Variants in GLCE observed in about 807,000 individuals in gnomAD.
The protein encoded by GLCE is D-glucuronyl C5-epimerase.
A neutral mutation model predicts 47.9 loss-of-function variants in GLCE; 19 were observed. The observed-to-expected ratio is 0.40, with a 90% confidence interval of 0.28 to 0.58. The LOEUF is 0.58. GLCE is among the 20% of genes least tolerant of loss of function. The pLI, the probability that GLCE is intolerant of heterozygous loss-of-function variation, is 0.48. For synonymous variants in GLCE, 245 were observed against 263.4 expected (o/e 0.93, Z 0.68); for missense variants, 556 against 743.3 (o/e 0.75, Z 2.93).
chr15:69,239,757 G>A (rs2052641217), intron 2 of GLCE, among the ~76,000 whole-genome samples: 1 of 152,026 alleles, frequency 6.6e-6, no homozygotes, highest in Non-Finnish European at 1.5e-5. Context: ...CTTATGTTTG[G>A]GGACTAGGGA....
chr15:69,263,683 A>T (rs552537015), intron 4 of GLCE, among the ~76,000 whole-genome samples: 27 of 151,824 alleles, frequency 1.8e-4, no homozygotes, highest in Non-Finnish European at 3.7e-4. Context: ...ACTTTCTCCT[A>T]TTTCTGTAGC....
intron 4 of GLCE, among the ~76,000 whole-genome samples, chr15:69,261,640 T>C (rs960138945): frequency 6.6e-6 from 1 of 152,222 alleles, no homozygotes; most frequent in Non-Finnish European, 1.5e-5. Context: ...CTCCATTTAA[T>C]ATTTCAGTAC....
chr15:69,213,112 A>G (rs1225950945), intron 2 of GLCE, among the ~76,000 whole-genome samples: 1 of 152,096 alleles, frequency 6.6e-6, no homozygotes, highest in Admixed American at 6.6e-5. Flanking sequence ...TTTTAGATGT[A>G]CAAATAAGTT....
At chr15:69,197,141 C>T (rs942357450) in intron 1 of GLCE, 6 of 384,262 alleles carry the variant, frequency 1.6e-5, no homozygotes, top group African/African-American at 1.0e-4. Context: ...GGGCCCAGTC[C>T]TTCGGCACAA....
intron 1 of GLCE, among the ~76,000 whole-genome samples, chr15:69,175,985 G>A (rs1259236806): frequency 6.6e-6 from 1 of 152,058 alleles, no homozygotes; most frequent in Non-Finnish European, 1.5e-5. Flanking sequence ...TATACTGGCT[G>A]GCAAATCTTA....
intron 1 of GLCE, among the ~76,000 whole-genome samples, chr15:69,166,468 A>C (rs1004477000): frequency 6.6e-6 from 1 of 152,220 alleles, no homozygotes; most frequent in South Asian, 2.1e-4. Flanking sequence ...ACAATTTGAG[A>C]TTGATTGGAC....
chr15:69,266,368 T>TCTTGTTCTGTCA (rs1359693182), intron 4 of GLCE, among the ~76,000 whole-genome samples: 1 of 152,096 alleles, frequency 6.6e-6, no homozygotes, highest in Non-Finnish European at 1.5e-5. Context: ...TCTCATTCTG[T>TCTTGTTCTGTCA]CACCCAGAAC....
chr15:69,171,848 A>G (rs576285302), intron 1 of GLCE, among the ~76,000 whole-genome samples: 1 of 152,324 alleles, frequency 6.6e-6, no homozygotes, highest in South Asian at 2.1e-4. Context: ...CCTACTGAGG[A>G]TAGATTATAA....
chr15:69,239,655 C>T (rs546213902), intron 2 of GLCE, among the ~76,000 whole-genome samples: 72 of 152,270 alleles, frequency 4.7e-4, no homozygotes, highest in African/African-American at 1.7e-3. Context: ...GAAATACCAA[C>T]ATCCCAAGAA....
At chr15:69,257,484 A>G (rs2140441837) in intron 3 of GLCE, among the ~76,000 whole-genome samples, 1 of 152,222 alleles carries the variant, frequency 6.6e-6, no homozygotes, top group South Asian at 2.1e-4. Flanking sequence ...GACTATAGGC[A>G]TGCTCCACCA....
At chr15:69,175,560 T>C (rs2051650276) in intron 1 of GLCE, among the ~76,000 whole-genome samples, 1 of 152,242 alleles carries the variant, frequency 6.6e-6, no homozygotes, top group African/African-American at 2.4e-5. Context: ...CAACATCTAA[T>C]TGAGCTGTTG....
At chr15:69,181,301 T>G (rs139129476) in intron 1 of GLCE, among the ~76,000 whole-genome samples, 3 of 152,330 alleles carry the variant, frequency 2.0e-5, no homozygotes, top group African/African-American at 7.2e-5. Flanking sequence ...TTGGGAATTA[T>G]GTATAGATGC....
chr15:69,231,314 C>T (rs1280351676), intron 2 of GLCE, among the ~76,000 whole-genome samples: 3 of 147,092 alleles, frequency 2.0e-5, no homozygotes, highest in African/African-American at 7.6e-5. Flanking sequence ...GATGGAGTCT[C>T]GCTCTGTCGC....
chr15:69,206,693 C>T (rs536298514), intron 1 of GLCE, among the ~76,000 whole-genome samples: 3 of 151,966 alleles, frequency 2.0e-5, no homozygotes, highest in South Asian at 4.2e-4. Flanking sequence ...CTACAAGATA[C>T]TCCAGGCTTA....
intron 2 of GLCE, among the ~76,000 whole-genome samples, chr15:69,233,596 T>A (rs1259594321): frequency 6.6e-6 from 1 of 152,138 alleles, no homozygotes; most frequent in Non-Finnish European, 1.5e-5. Context: ...TTCCTAGAGG[T>A]GGAGTTTCAG....
intron 1 of GLCE, among the ~76,000 whole-genome samples, chr15:69,164,558 A>C (rs1297338930): frequency 6.6e-6 from 1 of 150,822 alleles, no homozygotes; most frequent in Non-Finnish European, 1.5e-5. Flanking sequence ...TATAATATAT[A>C]AAATATGTGT....
chr15:69,256,032 G>C lies in GLCE; in HGVS notation c.226G>C (p.Ala76Pro). 6.2e-7 allele frequency: 1 copy of C among 1,613,952 alleles called. No individual in the cohort carries two copies. The highest frequency in any genetic ancestry group is 8.5e-7 in the Non-Finnish European group (1 of 1,179,822). ...NHVAKQQSEE[A>P]FPQEQQKAPP... Reference sequence around the variant, plus strand: ...CGTGGCCAAACAACAGTCTGAGGAAGCATTCCCTCAGGAACAGCAGAAAGC... The same window carrying C: ...CGTGGCCAAACAACAGTCTGAGGAACCATTCCCTCAGGAACAGCAGAAAGC... The change falls in exon 3 of 5, where the codon GCA (alanine) becomes CCA (proline). Residue 76 changes from alanine to proline, a missense_variant. Physicochemically the swap from Ala to Pro is conservative, Grantham distance 27. Transcript: ENST00000261858.
intron 2 of GLCE, among the ~76,000 whole-genome samples, chr15:69,237,102 A>G (rs1407989539): frequency 6.6e-6 from 1 of 152,208 alleles, no homozygotes; most frequent in Non-Finnish European, 1.5e-5. Flanking sequence ...TCTTTTTATC[A>G]TAAACATTAG....
intron 2 of GLCE, among the ~76,000 whole-genome samples, chr15:69,249,060 A>G (rs1478365774): frequency 6.6e-6 from 1 of 152,230 alleles, no homozygotes; most frequent in Non-Finnish European, 1.5e-5. Context: ...GTAAGGACCT[A>G]GAGAATGATG....
Sources: gnomAD v4.1 joint callset for allele counts (sites outside exome capture counted in the v4.1 genomes callset) on GRCh38, gnomAD v4.1.1 for gene constraint, MANE v1.5 for transcripts, NCBI Gene and HGNC (gene_info 2026-07-23, HGNC 2026-07-21) for gene names.